PYY: variants seen among roughly 807,000 people sequenced by gnomAD.
PYY encodes peptide tyrosine tyrosine.
PYY carries 12 observed loss-of-function variants against 10.3 expected under a neutral mutation model. The ratio of observed to expected loss-of-function variants is 1.17; its 90% confidence interval spans 0.75 to 1.89. The LOEUF (loss-of-function observed/expected upper bound fraction) is 1.89, where lower values mean the gene tolerates loss of function less well. PYY is among the 40% of genes most tolerant of loss of function. PYY has a pLI of 0.00. For missense variants in PYY, 141 were observed against 134.0 expected (o/e 1.05, Z -0.26); for synonymous variants, 66 against 62.0 (o/e 1.06, Z -0.30).
chr17:43,979,806 G>A (rs560485263), intron 1 of PYY, among the ~76,000 whole-genome samples: 1 of 152,212 alleles, frequency 6.6e-6, no homozygotes, highest in African/African-American at 2.4e-5. Flanking sequence ...GGGAAGAGTA[G>A]GGGAGGGAAC....
chr17:43,983,874 G>A (rs2048898726), intron 1 of PYY, among the ~76,000 whole-genome samples: 1 of 152,220 alleles, frequency 6.6e-6, no homozygotes, highest in Non-Finnish European at 1.5e-5. Context: ...CGCAGGGGCC[G>A]CGTGTCCGGT....
At chr17:43,973,959 A>G (rs141239349) in intron 1 of PYY, among the ~76,000 whole-genome samples, 1 of 152,204 alleles carries the variant, frequency 6.6e-6, no homozygotes, top group East Asian at 1.9e-4. Flanking sequence ...CCAAAGCTTC[A>G]TGAGACCTCT....
intron 1 of PYY, among the ~76,000 whole-genome samples, chr17:43,971,295 C>T (rs1197641194): frequency 6.6e-6 from 1 of 152,026 alleles, no homozygotes; most frequent in African/African-American, 2.4e-5. Context: ...TCCGGCCAAG[C>T]GTGGTGGCTC....
At chr17:43,989,345 G>A (rs1178481886) in intron 1 of PYY, among the ~76,000 whole-genome samples, 2 of 148,012 alleles carry the variant, frequency 1.4e-5, no homozygotes, top group East Asian at 2.0e-4. Flanking sequence ...CTGCACTCCA[G>A]CCTGGGTGAC....
Position 43,952,828 on chromosome 17 carries a change from G to A in PYY, c.*128C>T. 1 of 1,058,926 alleles carries A rather than the reference G, an allele frequency of 9.4e-7. No homozygotes were observed. Among genetic ancestry groups the A allele is most frequent in the Non-Finnish European group, 1.3e-6 (1 of 750,972 alleles). 65.6% of individuals were successfully genotyped at this position (1,058,926 alleles called of 1,614,324 possible). On this transcript the variant is annotated 3_prime_UTR_variant, in exon 4 of 4. Coordinates refer to ENST00000692052, the MANE Select transcript of PYY (RefSeq NM_001394028.1). ...GGGCGGGGGCACCGAGACGCGGGCG[G>A]AGGGCCGCACCCGAACCCTGCCCAG...
intron 1 of PYY, among the ~76,000 whole-genome samples, chr17:43,980,544 G>A (rs1191704255): frequency 2.0e-5 from 3 of 151,630 alleles, no homozygotes; most frequent in Non-Finnish European, 4.4e-5. Flanking sequence ...GCGCAATCTC[G>A]GCTCACTGCA....
At chr17:43,969,515 CAAA>C (rs71361552) in intron 1 of PYY, among the ~76,000 whole-genome samples, 1 of 90,454 alleles carries the variant, frequency 1.1e-5, no homozygotes, top group East Asian at 3.2e-4. Context: ...GACTCTGTCT[CAAA>C]AAAAAAAAAA....
intron 1 of PYY, among the ~76,000 whole-genome samples, chr17:43,995,433 T>C (rs2048984703): frequency 6.6e-6 from 1 of 151,810 alleles, no homozygotes; most frequent in African/African-American, 2.4e-5. Context: ...CGGGTTCAAG[T>C]GATTCTCCTG....
At chr17:43,963,704 G>A (rs972854142) in intron 2 of PYY, among the ~76,000 whole-genome samples, 3 of 151,824 alleles carry the variant, frequency 2.0e-5, no homozygotes, top group Admixed American at 2.0e-4. Flanking sequence ...AGTGGCTCAC[G>A]CCTGTAATCC....
intron 1 of PYY, among the ~76,000 whole-genome samples, chr17:43,976,288 T>TAC (rs1567932299): frequency 1.2e-4 from 5 of 41,290 alleles, no homozygotes; most frequent in African/African-American, 6.5e-4. Context: ...TATACGCATA[T>TAC]GTATACATGT....
chr17:43,997,977 C>T (rs570788482), intron 1 of PYY, among the ~76,000 whole-genome samples: 10 of 151,922 alleles, frequency 6.6e-5, no homozygotes, highest in South Asian at 6.2e-4. Flanking sequence ...CTCACTCTGT[C>T]GCCCAGGCTG....
rs147438979 is a variant in PYY at position 43,983,909 on chromosome 17, G to C, written c.-462-17377C>G. 6.6e-3 allele frequency among the ~76,000 whole-genome samples: 1,006 copies of C among 152,332 alleles called. 7 individuals carry two copies. The highest frequency in any genetic ancestry group is 0.011 in the Non-Finnish European group (744 of 68,022). On this transcript the variant is annotated intron_variant, in intron 1 of 6. Transcript: ENST00000360085. ...TGCCGGCCGGGCTGAGTGTTCCGAG[G>C]CGAGCGGCTGCTGTTTGCGCAGCTA...
At chr17:43,989,185 T>C (rs188910467) in intron 1 of PYY, among the ~76,000 whole-genome samples, 2,962 of 151,948 alleles carry the variant, frequency 0.019, 33 homozygotes, top group Middle Eastern at 0.058. Context: ...CCATCCTGGC[T>C]AACACGGTGA....
chr17:43,975,052 C>T (rs930790100), intron 1 of PYY, among the ~76,000 whole-genome samples: 1 of 152,076 alleles, frequency 6.6e-6, no homozygotes, highest in Non-Finnish European at 1.5e-5. Flanking sequence ...TGAGCCATTT[C>T]GCCCACACAT....
chr17:43,978,012 C>A (rs1005068818), intron 1 of PYY, among the ~76,000 whole-genome samples: 2 of 151,910 alleles, frequency 1.3e-5, no homozygotes, highest in Middle Eastern at 3.4e-3. Context: ...CCAGCCTGGG[C>A]AACAGGGGGA....
At chr17:43,974,406 A>G (rs538839370) in intron 1 of PYY, among the ~76,000 whole-genome samples, 3 of 152,098 alleles carry the variant, frequency 2.0e-5, no homozygotes, top group East Asian at 1.9e-4. Flanking sequence ...GAGGTGTCCC[A>G]TGGTTGCTCA....
intron 1 of PYY, among the ~76,000 whole-genome samples, chr17:43,982,446 C>T (rs1474055435): frequency 1.3e-5 from 2 of 152,250 alleles, no homozygotes; most frequent in African/African-American, 4.8e-5. Flanking sequence ...ATGTACGCCA[C>T]TTAACTACAG....
intron 1 of PYY, among the ~76,000 whole-genome samples, chr17:44,001,230 G>A (rs1175066547): frequency 1.3e-5 from 2 of 152,174 alleles, no homozygotes; most frequent in East Asian, 3.8e-4. Context: ...GGGAGGGAAA[G>A]CCTTGGGCTT....
At chr17:43,979,684 G>GA (rs1048721705) in intron 1 of PYY, among the ~76,000 whole-genome samples, 3 of 147,258 alleles carry the variant, frequency 2.0e-5, no homozygotes, top group Admixed American at 1.4e-4. Context: ...TCAAACAACA[G>GA]AAAAAAAAAT....
Sources: allele counts gnomAD v4.1 joint callset (sites outside exome capture counted in the v4.1 genomes callset), GRCh38; gene constraint gnomAD v4.1.1; transcripts MANE v1.5; gene names NCBI Gene and HGNC (gene_info 2026-07-23, HGNC 2026-07-21).